MYO16: variants seen among roughly 807,000 people sequenced by gnomAD.
MYO16 encodes the protein unconventional myosin-XVI.
Under a neutral mutation model 205.3 loss-of-function variants are expected in MYO16, and 94 were observed. That is an observed-to-expected ratio of 0.46 (90% CI 0.39 to 0.54). The LOEUF is 0.54. Ranked by LOEUF, MYO16 falls within the 20% of genes least tolerant of loss-of-function variation. The pLI is 0.00. For missense variants in MYO16, 2,315 were observed against 2,387.5 expected (o/e 0.97, Z 0.63); for synonymous variants, 988 against 954.0 (o/e 1.04, Z -0.66).
At chr13:108,720,814 A>C (rs1334840185) in intron 3 of MYO16, among the ~76,000 whole-genome samples, 1 of 152,226 alleles carries the variant, frequency 6.6e-6, no homozygotes, top group East Asian at 1.9e-4. Flanking sequence ...TTGGTGAAAG[A>C]TAACTCTTAT....
intron 24 of MYO16, among the ~76,000 whole-genome samples, chr13:109,049,652 A>G (rs1238642849): frequency 6.6e-6 from 1 of 152,166 alleles, no homozygotes; most frequent in Non-Finnish European, 1.5e-5. Flanking sequence ...TCTCAATTAT[A>G]AGAATAAAAT....
At chr13:109,179,381 C>A (rs1156231705) in intron 33 of MYO16, among the ~76,000 whole-genome samples, 161 bp from the exon 34 acceptor site, 2 of 152,186 alleles carry the variant, frequency 1.3e-5, no homozygotes. Context: ...ACTGTGCATG[C>A]CCATGTTTCA....
chr13:108,622,065 T>C (rs1879563441), intron 1 of MYO16, among the ~76,000 whole-genome samples: 1 of 152,140 alleles, frequency 6.6e-6, no homozygotes, highest in Non-Finnish European at 1.5e-5. Context: ...GGGAGGATAC[T>C]GTATAAAGTT....
intron 20 of MYO16, among the ~76,000 whole-genome samples, chr13:108,970,667 A>G (rs1466721478): frequency 1.3e-5 from 2 of 152,214 alleles, no homozygotes; most frequent in Non-Finnish European, 2.9e-5. Context: ...CATGGCTGTC[A>G]CTGACCCTTT....
Position 108,871,488 on chromosome 13 carries a change from G to A in MYO16, c.1425+5246G>A, listed in dbSNP as rs140568273. ...GAAGACATTATCTTCCTTCCAAGAAGATTTGACTTTTCCTCCTAGCAGGCA... is the reference window on the plus strand; with the variant it reads ...GAAGACATTATCTTCCTTCCAAGAAAATTTGACTTTTCCTCCTAGCAGGCA... On this transcript the variant is annotated intron_variant, in intron 12 of 34. Coordinates refer to ENST00000457511, the MANE Select transcript of MYO16 (RefSeq NM_001198950.3). Among the ~76,000 whole-genome samples the A allele has an allele frequency of 2.8e-3, 426 of 152,116 alleles. 2 individuals are homozygous for A. The highest frequency in any genetic ancestry group is 9.2e-3 in the African/African-American group (380 of 41,498).
chr13:109,092,918 C>A (rs1023151374), intron 27 of MYO16, among the ~76,000 whole-genome samples: 1 of 152,162 alleles, frequency 6.6e-6, no homozygotes, highest in Admixed American at 6.5e-5. Flanking sequence ...ATATTCTCTG[C>A]CTCTTCAATT....
chr13:109,035,215 A>C (rs2139565638), intron 23 of MYO16, among the ~76,000 whole-genome samples: 1 of 152,042 alleles, frequency 6.6e-6, no homozygotes, highest in Admixed American at 6.5e-5. Context: ...AAGTATTTGA[A>C]AGTTTTTTTT....
chr13:108,791,001 G>A (rs1345094598), intron 5 of MYO16, among the ~76,000 whole-genome samples: 7 of 152,204 alleles, frequency 4.6e-5, no homozygotes, highest in African/African-American at 1.4e-4. Flanking sequence ...TAACTTAAGA[G>A]TGACTATCAG....
intron 34 of MYO16, among the ~76,000 whole-genome samples, chr13:109,198,336 C>T (rs1438202033): frequency 6.6e-6 from 1 of 152,096 alleles, no homozygotes; most frequent in Non-Finnish European, 1.5e-5. Context: ...ACCCTAACTT[C>T]AGAAGCATTG....
At chr13:108,810,992 A>C (rs1457481175) in intron 7 of MYO16, among the ~76,000 whole-genome samples, 3 of 152,204 alleles carry the variant, frequency 2.0e-5, no homozygotes, top group African/African-American at 7.2e-5. Context: ...GTGAGCAATA[A>C]GTCTTTTGGT....
At chr13:108,955,775 C>T (rs759588630) in intron 16 of MYO16, among the ~76,000 whole-genome samples, 9 of 152,104 alleles carry the variant, frequency 5.9e-5, no homozygotes, top group Admixed American at 1.3e-4. Context: ...TGCTTGAACC[C>T]GGGAGGTGAA....
intron 13 of MYO16, among the ~76,000 whole-genome samples, chr13:108,886,831 G>A (rs1488481356): frequency 6.6e-6 from 1 of 151,962 alleles, no homozygotes; most frequent in Non-Finnish European, 1.5e-5. Context: ...AACTCCTTTC[G>A]GTATCGCTAG....
intron 15 of MYO16, among the ~76,000 whole-genome samples, chr13:108,904,068 T>C (rs1441523901): frequency 6.6e-6 from 1 of 152,212 alleles, no homozygotes; most frequent in Non-Finnish European, 1.5e-5. Flanking sequence ...TACACTTTTA[T>C]AATTTAATGT....
intron 32 of MYO16, among the ~76,000 whole-genome samples, chr13:109,163,434 C>T (rs913080991): frequency 6.6e-6 from 1 of 151,670 alleles, no homozygotes; most frequent in African/African-American, 2.4e-5. Flanking sequence ...GAGAGATAAG[C>T]TCTGGGGAGA....
At chr13:108,712,938 G>T (rs1205220356) in intron 3 of MYO16, among the ~76,000 whole-genome samples, 3 of 152,076 alleles carry the variant, frequency 2.0e-5, no homozygotes, top group Admixed American at 6.5e-5. Flanking sequence ...CTACCCTAAA[G>T]AAATCACTTT....
At chr13:108,528,575 TCCC>T in the MYO16 span, among the ~76,000 whole-genome samples, 4 of 103,144 alleles carry the variant, frequency 3.9e-5, no homozygotes, top group South Asian at 3.9e-4. Context: ...TCCTCTCCCC[TCCC>T]CTCCCCTTTC....
intron 1 of MYO16, among the ~76,000 whole-genome samples, chr13:108,614,781 T>G (rs2139324585): frequency 6.6e-6 from 1 of 152,156 alleles, no homozygotes; most frequent in South Asian, 2.1e-4. Context: ...AAGAATGAAC[T>G]TGGACCCATA....
intron 31 of MYO16, among the ~76,000 whole-genome samples, chr13:109,134,004 C>A (rs1238077955): frequency 6.6e-6 from 1 of 152,168 alleles, no homozygotes; most frequent in Non-Finnish European, 1.5e-5. Flanking sequence ...TGTTACTGAA[C>A]CCCAGACCAC....
chr13:109,205,099 C>G (rs1291126725), intron 34 of MYO16, among the ~76,000 whole-genome samples: 3 of 152,172 alleles, frequency 2.0e-5, no homozygotes, highest in Non-Finnish European at 4.4e-5. Flanking sequence ...GCAGCTCACT[C>G]TCTGTTATGT....
Sources: allele counts gnomAD v4.1 joint callset (sites outside exome capture counted in the v4.1 genomes callset), GRCh38; gene constraint gnomAD v4.1.1; transcripts MANE v1.5; gene names NCBI Gene and HGNC (gene_info 2026-07-23, HGNC 2026-07-21).